Variants in FRMD3 observed in about 807,000 individuals in gnomAD.
FRMD3 encodes FERM domain containing 3, also known as FERM domain-containing protein 3.
In FRMD3, 33 loss-of-function variants were observed where a neutral mutation model predicts 70.2. The observed-to-expected ratio is 0.47, with a 90% CI of 0.36 to 0.63. The LOEUF (loss-of-function observed/expected upper bound fraction) is 0.63, where lower values mean the gene tolerates loss of function less well. Among genes scored for constraint, FRMD3 ranks in the 20% least tolerant of loss-of-function variants. The pLI is 0.00. For missense variants in FRMD3, 632 were observed against 711.4 expected (o/e 0.89, Z 1.27); for synonymous variants, 279 against 255.9 (o/e 1.09, Z -0.86).
At chr9:83,494,200 G>T (rs562121472) in intron 1 of FRMD3, among the ~76,000 whole-genome samples, 1 of 152,216 alleles carries the variant, frequency 6.6e-6, no homozygotes, top group Non-Finnish European at 1.5e-5. Flanking sequence ...ACACATAAAC[G>T]TGGGAGAACG....
chr9:83,347,573 T>TA (rs1381962489), intron 4 of FRMD3, among the ~76,000 whole-genome samples: 1 of 152,200 alleles, frequency 6.6e-6, no homozygotes, highest in Non-Finnish European at 1.5e-5. Context: ...AGATAAAGGA[T>TA]AAAAAATGAT....
intron 10 of FRMD3, among the ~76,000 whole-genome samples, chr9:83,308,844 T>A (rs1311028367): frequency 2.0e-5 from 3 of 152,156 alleles, no homozygotes; most frequent in African/African-American, 7.2e-5. Context: ...AGGTCTCTTT[T>A]TCTGGTTGTG....
chr9:83,298,677 G>C lies in FRMD3; in HGVS notation c.1070+71C>G, dbSNP rs934723344. On this transcript the variant is annotated intron_variant, in intron 12 of 13. Coordinates refer to ENST00000304195, the MANE Select transcript of FRMD3 (RefSeq NM_174938.6). ...TTAATGCTGTATGTCACTACACAAA[G>C]GGATGTTATAGGGGATTTGGAAAAG... The C allele has an allele frequency of 2.7e-6, 3 of 1,124,792 alleles. No individual in the cohort carries two copies. The African/African-American group carries it at 4.6e-5, about 17-fold the overall frequency. The allele number at this position is 1,124,792 out of a possible 1,614,324, so 69.7% of individuals were successfully genotyped here. A position where few individuals can be genotyped will look rare whatever the true frequency, so the allele number is the denominator to read the frequency against.
intron 1 of FRMD3, among the ~76,000 whole-genome samples, chr9:83,487,383 G>A (rs2131489696): frequency 6.6e-6 from 1 of 152,232 alleles, no homozygotes; most frequent in East Asian, 1.9e-4. Context: ...GAATAAGAAA[G>A]AGCTTAAGAC....
At chr9:83,307,037 A>C (rs1490229406) in intron 10 of FRMD3, among the ~76,000 whole-genome samples, 3 of 152,232 alleles carry the variant, frequency 2.0e-5, no homozygotes, top group African/African-American at 7.2e-5. Context: ...GATCTAGTAC[A>C]GATACATAGT....
chr9:83,309,518 TGAA>T lies in FRMD3; in HGVS notation c.926+15_926+17del, dbSNP rs760135753. ...GGTGCTTTTAAAAGCTATAATTAAA[TGAA>T]TAAAAGCCACTTACTTATAAAAGGC... On this transcript the variant is annotated intron_variant, in intron 10 of 13. Coordinates refer to ENST00000304195, the MANE Select transcript of FRMD3 (RefSeq NM_174938.6). 6.7e-7 allele frequency: 1 copy of T among 1,482,520 alleles called. No homozygotes were observed. Among genetic ancestry groups the T allele is most frequent in the East Asian group, 2.3e-5 (1 of 44,016 alleles). 91.8% of individuals were successfully genotyped at this position (1,482,520 alleles called of 1,614,324 possible).
At chr9:83,526,094 G>A (rs896939154) in intron 1 of FRMD3, among the ~76,000 whole-genome samples, 1 of 152,038 alleles carries the variant, frequency 6.6e-6, no homozygotes, top group Non-Finnish European at 1.5e-5. Flanking sequence ...CAAAATCAAC[G>A]TACCCAAAAT....
At chr9:83,532,964 A>C (rs530681946) in intron 1 of FRMD3, among the ~76,000 whole-genome samples, 1 of 152,238 alleles carries the variant, frequency 6.6e-6, no homozygotes, top group Non-Finnish European at 1.5e-5. Flanking sequence ...TGCCAGAGTG[A>C]AAAGATGGGA....
intron 1 of FRMD3, among the ~76,000 whole-genome samples, chr9:83,530,818 G>T (rs1378023194): frequency 6.6e-6 from 1 of 152,010 alleles, no homozygotes; most frequent in African/African-American, 2.4e-5. Flanking sequence ...GGTATTGTGG[G>T]TTATCTTTTT....
chr9:83,399,465 T>G (rs1336039227), intron 1 of FRMD3, among the ~76,000 whole-genome samples: 1 of 147,498 alleles, frequency 6.8e-6, no homozygotes, highest in Non-Finnish European at 1.5e-5. Flanking sequence ...CCACAGCCTG[T>G]GCTCAAAAGG....
At chr9:83,421,866 T>C (rs549709118) in intron 1 of FRMD3, among the ~76,000 whole-genome samples, 1 of 152,278 alleles carries the variant, frequency 6.6e-6, no homozygotes, top group African/African-American at 2.4e-5. Context: ...AAAGAATAGA[T>C]AGCATGCAAT....
Position 83,311,987 on chromosome 9 carries a change from A to G in FRMD3, c.685-12T>C, listed in dbSNP as rs558827225. ...GTGCCTGTTGAATCCTGAAAAAAAAAAAAAAGAAAAAAGAAAAATCTGTTT... is the reference window on the plus strand; with the variant it reads ...GTGCCTGTTGAATCCTGAAAAAAAAGAAAAAGAAAAAAGAAAAATCTGTTT... On this transcript the variant is annotated splice_polypyrimidine_tract_variant and intron_variant, in intron 7 of 13. Transcript: ENST00000304195. 13 of 1,540,334 alleles carry G rather than the reference A, an allele frequency of 8.4e-6. No homozygotes were observed. The highest frequency in any genetic ancestry group is 2.8e-5 in the African/African-American group (2 of 71,606).
At chr9:83,451,696 C>G (rs886153885) in intron 1 of FRMD3, among the ~76,000 whole-genome samples, 2 of 152,070 alleles carry the variant, frequency 1.3e-5, no homozygotes, top group Non-Finnish European at 2.9e-5. Context: ...AGAGTGTTAT[C>G]CCCTCACTCA....
At chr9:83,522,552 T>C (rs950976300) in intron 1 of FRMD3, among the ~76,000 whole-genome samples, 2 of 142,920 alleles carry the variant, frequency 1.4e-5, no homozygotes, top group African/African-American at 5.2e-5. Context: ...ACAAATTTTA[T>C]ATATATATAT....
rs78368970 is a variant in FRMD3, at chr9:83,415,248, C to G, written c.148-25540G>C. ...CTGAAAGCCAAAGGACAAGGTAGCT[C>G]TTATTCAATGCCATCCATCAGGTCA... On this transcript the variant is annotated intron_variant, in intron 1 of 13. Transcript: ENST00000304195. Among the ~76,000 whole-genome samples, 35 of 152,274 alleles carry G rather than the reference C, an allele frequency of 2.3e-4. No homozygotes were observed. In the East Asian group the frequency reaches 6.7e-3, roughly 29 times the overall value.
At chr9:83,483,439 C>T (rs769076191) in intron 1 of FRMD3, among the ~76,000 whole-genome samples, 1 of 152,186 alleles carries the variant, frequency 6.6e-6, no homozygotes, top group African/African-American at 2.4e-5. Flanking sequence ...ATTCCTAGAG[C>T]TCAGCTCAGG....
At chr9:83,543,365 T>A (rs1369524602), upstream of FRMD3, among the ~76,000 whole-genome samples, 2 of 151,980 alleles carry the variant, frequency 1.3e-5, no homozygotes, top group African/African-American at 2.4e-5. Context: ...TGTGACAGAT[T>A]GCTAGTTTCC....
At chr9:83,543,718 C>G in the FRMD3 span, among the ~76,000 whole-genome samples, 1 of 152,218 alleles carries the variant, frequency 6.6e-6, no homozygotes, top group African/African-American at 2.4e-5. Flanking sequence ...AAGGGAACAC[C>G]TGTTAGGACA....
At chr9:83,257,279 C>A (rs1427351711) in intron 13 of FRMD3, among the ~76,000 whole-genome samples, 1 of 152,120 alleles carries the variant, frequency 6.6e-6, no homozygotes, top group African/African-American at 2.4e-5. Flanking sequence ...AAACAGAAAA[C>A]CAAACACTGC....
Sources: gnomAD v4.1 joint callset for allele counts (sites outside exome capture counted in the v4.1 genomes callset) on GRCh38, gnomAD v4.1.1 for gene constraint, MANE v1.5 for transcripts, NCBI Gene and HGNC (gene_info 2026-07-23, HGNC 2026-07-21) for gene names.